ADAM2: variants seen among roughly 807,000 people sequenced by gnomAD.
The protein encoded by ADAM2 is disintegrin and metalloproteinase domain-containing protein 2.
ADAM2 carries 101 observed loss-of-function variants against 99.3 expected under a neutral mutation model. That is an observed-to-expected ratio of 1.02 (90% confidence interval 0.87 to 1.20). ADAM2 has a LOEUF of 1.20. Ranked by LOEUF, ADAM2 falls within the 50% of genes most tolerant of loss-of-function variation. ADAM2 has a pLI of 0.00. For synonymous variants in ADAM2, 323 were observed against 287.6 expected (o/e 1.12, Z -1.25); for missense variants, 948 against 878.7 (o/e 1.08, Z -1.00).
At chr8:39,758,917 T>G (rs1204840289) in intron 15 of ADAM2, among the ~76,000 whole-genome samples, 1 of 152,018 alleles carries the variant, frequency 6.6e-6, no homozygotes, top group African/African-American at 2.4e-5. Flanking sequence ...CTGATATATA[T>G]ATAGATAAGT....
chr8:39,744,196 AT>A (rs1823352055), intron 20 of ADAM2, 132 bp from the exon 21 acceptor site: 1 of 152,194 alleles, frequency 6.6e-6, no homozygotes, highest in African/African-American at 2.4e-5. Flanking sequence ...AACATTTTAA[AT>A]ATACAAATGC....
chr8:39,750,114 CCTT>C (rs750432340), intron 16 of ADAM2, among the ~76,000 whole-genome samples: 1 of 152,016 alleles, frequency 6.6e-6, no homozygotes, highest in Admixed American at 6.6e-5. Context: ...ACAGTTAAAA[CCTT>C]CTCATTGAGC....
chr8:39,764,811 C>T (rs531067387), intron 14 of ADAM2, among the ~76,000 whole-genome samples: 4 of 152,062 alleles, frequency 2.6e-5, no homozygotes, highest in South Asian at 2.1e-4. Flanking sequence ...GTCAGGAGTT[C>T]GAGACCAGCC....
chr8:39,824,780 C>T (rs1383984445), intron 4 of ADAM2, 39 bp downstream of exon 4: 6 of 1,071,140 alleles, frequency 5.6e-6, no homozygotes, highest in Non-Finnish European at 8.6e-6. Context: ...ATCATAGACA[C>T]TCACATGACA....
intron 16 of ADAM2, among the ~76,000 whole-genome samples, chr8:39,751,656 T>C (rs1279877464): frequency 3.9e-5 from 6 of 152,132 alleles, no homozygotes; most frequent in Non-Finnish European, 7.4e-5. Context: ...AATAGTAATA[T>C]TACATAAAAA....
At chr8:39,760,741 A>AT (rs966928137) in intron 15 of ADAM2, among the ~76,000 whole-genome samples, 65 of 150,926 alleles carry the variant, frequency 4.3e-4, no homozygotes, top group African/African-American at 7.8e-4. Flanking sequence ...TAAAAAAATA[A>AT]AAAAAAAACA....
chr8:39,814,013 G>C (rs1407241972), intron 6 of ADAM2, among the ~76,000 whole-genome samples: 2 of 151,802 alleles, frequency 1.3e-5, no homozygotes, highest in Non-Finnish European at 2.9e-5. Flanking sequence ...ACAGATGCAT[G>C]AGAGAATGCC....
At chr8:39,758,240 A>G (rs1443374313) in intron 15 of ADAM2, among the ~76,000 whole-genome samples, 1 of 152,200 alleles carries the variant, frequency 6.6e-6, no homozygotes, top group African/African-American at 2.4e-5. Context: ...AGAAGAAAAA[A>G]AAAGAAATAA....
chr8:39,835,196 T>A (rs928385633), intron 2 of ADAM2, among the ~76,000 whole-genome samples: 3 of 152,146 alleles, frequency 2.0e-5, no homozygotes, highest in African/African-American at 7.2e-5. Context: ...CTATTACCTC[T>A]TCTTCTTTTC....
chr8:39,744,275 A>G (rs1450986423), intron 20 of ADAM2, among the ~76,000 whole-genome samples: 1 of 152,160 alleles, frequency 6.6e-6, no homozygotes, highest in Non-Finnish European at 1.5e-5. Context: ...TAAGTGGAAA[A>G]TTTCAAAATC....
intron 10 of ADAM2, among the ~76,000 whole-genome samples, chr8:39,784,661 C>T (rs1173925825): frequency 6.6e-6 from 1 of 152,168 alleles, no homozygotes; most frequent in Non-Finnish European, 1.5e-5. Flanking sequence ...CTTGCACTCT[C>T]CATGGGAGAG....
intron 1 of ADAM2, among the ~76,000 whole-genome samples, chr8:39,837,687 A>T (rs115664981): frequency 1.8e-4 from 28 of 152,054 alleles, no homozygotes; most frequent in African/African-American, 6.3e-4. Flanking sequence ...GCCCGGCCAT[A>T]TTTTTTTAAA....
intron 3 of ADAM2, among the ~76,000 whole-genome samples, chr8:39,829,440 T>G (rs1008466000): frequency 2.0e-5 from 3 of 151,980 alleles, no homozygotes; most frequent in African/African-American, 7.2e-5. Flanking sequence ...AAATACATAT[T>G]AAATTACTTA....
At chr8:39,767,989 C>G (rs1802636947) in intron 12 of ADAM2, among the ~76,000 whole-genome samples, 1 of 151,528 alleles carries the variant, frequency 6.6e-6, no homozygotes, top group Non-Finnish European at 1.5e-5. Context: ...TTTGATAAAT[C>G]ACAAAAAGAT....
At chr8:39,823,507 A>G (rs1245522146) in intron 4 of ADAM2, among the ~76,000 whole-genome samples, 2 of 151,428 alleles carry the variant, frequency 1.3e-5, no homozygotes, top group Non-Finnish European at 2.9e-5. Flanking sequence ...GATGCTTTGA[A>G]TGCTTTGTAG....
chr8:39,837,959 T>C (rs1416640370), intron 1 of ADAM2, among the ~76,000 whole-genome samples, 172 bp downstream of exon 1: 1 of 152,150 alleles, frequency 6.6e-6, no homozygotes. Context: ...AAAGCCCTTA[T>C]TCTACGTGGA....
At chr8:39,829,218 A>G (rs571900744) in intron 3 of ADAM2, among the ~76,000 whole-genome samples, 1 of 151,924 alleles carries the variant, frequency 6.6e-6, no homozygotes, top group Non-Finnish European at 1.5e-5. Flanking sequence ...GTAAGAAAGG[A>G]TTTCTTATAC....
chr8:39,788,197 C>T lies in ADAM2; in HGVS notation c.697G>A (p.Asp233Asn). ...IILSSLELWI[D>N]ENKIATTGEA... ...CCAGTGGTTGCAATTTTATTTTCAT[C>T]TATCCAAAGCTCCAATGAAGACAGA... Residue 233 changes from aspartate to asparagine, a missense_variant, in exon 9 of 21, where the codon GAT becomes AAT. By Grantham distance (23) the Asp-to-Asn change is conservative. Coordinates refer to ENST00000265708, the MANE Select transcript of ADAM2 (RefSeq NM_001464.5). 6.4e-7 allele frequency: 1 copy of T among 1,574,000 alleles called. No homozygotes were observed. The highest frequency in any genetic ancestry group is 2.3e-5 in the East Asian group (1 of 43,512).
intron 1 of ADAM2, 37 bp downstream of exon 1, chr8:39,838,094 G>A: frequency 6.2e-7 from 1 of 1,609,296 alleles, no homozygotes; most frequent in Non-Finnish European, 8.5e-7. Flanking sequence ...TAGCGCTGAG[G>A]GTCCCAAAAG....
Sources: allele counts gnomAD v4.1 joint callset (sites outside exome capture counted in the v4.1 genomes callset), GRCh38; gene constraint gnomAD v4.1.1; transcripts MANE v1.5; gene names NCBI Gene and HGNC (gene_info 2026-07-23, HGNC 2026-07-21).